KCNU1: variants seen among roughly 807,000 people sequenced by gnomAD.
KCNU1 encodes potassium channel subfamily U member 1.
In KCNU1, 93 loss-of-function variants were observed where a neutral mutation model predicts 126.8. The ratio of observed to expected loss-of-function variants is 0.73; its 90% CI spans 0.62 to 0.87. KCNU1 has a LOEUF of 0.87. KCNU1 is among the 40% of genes least tolerant of loss of function. The pLI, the probability that KCNU1 is intolerant of heterozygous loss-of-function variation, is 0.00. For synonymous variants in KCNU1, 523 were observed against 494.2 expected (o/e 1.06, Z -0.77); for missense variants, 1,330 against 1,367.1 (o/e 0.97, Z 0.43).
At chr8:36,812,716 T>A (rs1184804210) in intron 7 of KCNU1, among the ~76,000 whole-genome samples, 1 of 152,156 alleles carries the variant, frequency 6.6e-6, no homozygotes, top group East Asian at 1.9e-4. Flanking sequence ...GATGGGTCAA[T>A]GTAACATGGT....
chr8:36,815,757 A>G, intron 9 of KCNU1, 70 bp downstream of exon 9: 1 of 887,540 alleles, frequency 1.1e-6, no homozygotes, highest in South Asian at 1.6e-5. Context: ...CGTTCTAGAC[A>G]TCTATTGTCT....
At chr8:36,922,811 C>T (rs1808406354) in intron 24 of KCNU1, among the ~76,000 whole-genome samples, 182 bp downstream of exon 24, 1 of 152,142 alleles carries the variant, frequency 6.6e-6, no homozygotes, top group Non-Finnish European at 1.5e-5. Flanking sequence ...TGGGAAGCAA[C>T]ATTTTCACAT....
chr8:36,848,686 C>T (rs559043706), intron 18 of KCNU1, among the ~76,000 whole-genome samples: 17 of 152,250 alleles, frequency 1.1e-4, no homozygotes, highest in South Asian at 2.1e-4. Context: ...CATTTCTCCC[C>T]GCGTACAGAC....
intron 18 of KCNU1, among the ~76,000 whole-genome samples, chr8:36,847,429 G>C (rs1805190638): frequency 6.6e-6 from 1 of 152,030 alleles, no homozygotes; most frequent in South Asian, 2.1e-4. Context: ...TAACGATGAA[G>C]GACACTAGAA....
chr8:36,839,300 G>A (rs1804866056), intron 14 of KCNU1, among the ~76,000 whole-genome samples: 1 of 152,096 alleles, frequency 6.6e-6, no homozygotes, highest in South Asian at 2.1e-4. Flanking sequence ...AAATCCTCCT[G>A]TTTTCCTTTC....
At chr8:36,802,501 A>G (rs1377893981) in intron 2 of KCNU1, among the ~76,000 whole-genome samples, 2 of 152,136 alleles carry the variant, frequency 1.3e-5, no homozygotes, top group Non-Finnish European at 2.9e-5. Context: ...GAACAAAGAA[A>G]CCTTAAGAGT....
chr8:36,826,209 T>G (rs938134508), intron 10 of KCNU1, among the ~76,000 whole-genome samples: 3 of 151,506 alleles, frequency 2.0e-5, no homozygotes, highest in Admixed American at 2.0e-4. Context: ...ATTATTTATT[T>G]TATTTTATTT....
chr8:36,794,436 C>T (rs1803019240), intron 2 of KCNU1, among the ~76,000 whole-genome samples: 1 of 152,104 alleles, frequency 6.6e-6, no homozygotes, highest in Admixed American at 6.6e-5. Context: ...AATTTATACA[C>T]ATACACATAT....
chr8:36,787,273 C>T (rs2130315992), intron 1 of KCNU1, 33 bp from the exon 2 acceptor site: 1 of 1,575,168 alleles, frequency 6.3e-7, no homozygotes, highest in Non-Finnish European at 8.6e-7. Context: ...TCAGATCCAG[C>T]TCACATTGTC....
intron 10 of KCNU1, among the ~76,000 whole-genome samples, chr8:36,819,962 G>T (rs1276382333): frequency 6.6e-6 from 1 of 152,128 alleles, no homozygotes; most frequent in Non-Finnish European, 1.5e-5. Context: ...CGTTTAGGAG[G>T]ATTGACAGTT....
intron 19 of KCNU1, among the ~76,000 whole-genome samples, chr8:36,895,513 A>G (rs371685230): frequency 2.0e-5 from 3 of 152,272 alleles, no homozygotes; most frequent in Admixed American, 6.5e-5. Flanking sequence ...CATCTCTATT[A>G]ACAAATTTAA....
At chr8:36,878,589 T>C (rs989239672) in intron 19 of KCNU1, among the ~76,000 whole-genome samples, 23 of 152,068 alleles carry the variant, frequency 1.5e-4, no homozygotes, top group African/African-American at 5.6e-4. Flanking sequence ...AATGGAGACA[T>C]TGGGAACAAA....
intron 24 of KCNU1, among the ~76,000 whole-genome samples, chr8:36,930,644 C>A (rs747751739): frequency 6.6e-6 from 1 of 152,122 alleles, no homozygotes; most frequent in African/African-American, 2.4e-5. Context: ...TATACCCCCT[C>A]TGGTCATTTT....
chr8:36,920,375 C>T (rs370956012), intron 23 of KCNU1, among the ~76,000 whole-genome samples: 15 of 152,200 alleles, frequency 9.9e-5, no homozygotes, highest in African/African-American at 2.2e-4. Flanking sequence ...ATACACCAAA[C>T]GAATTAATTC....
chr8:36,864,911 G>T (rs529558937), intron 19 of KCNU1, among the ~76,000 whole-genome samples: 1 of 152,130 alleles, frequency 6.6e-6, no homozygotes, highest in East Asian at 1.9e-4. Context: ...CAAAATATGG[G>T]CAACAAATCC....
At chr8:36,818,873 A>C (rs1175146624) in intron 10 of KCNU1, among the ~76,000 whole-genome samples, 1 of 152,242 alleles carries the variant, frequency 6.6e-6, no homozygotes, top group East Asian at 1.9e-4. Context: ...CCGTTTAAGT[A>C]GCATCAGTGT....
At chr8:36,850,385 A>G (rs893242374) in intron 18 of KCNU1, among the ~76,000 whole-genome samples, 1 of 151,914 alleles carries the variant, frequency 6.6e-6, no homozygotes, top group African/African-American at 2.4e-5. Context: ...TGATCAATCT[A>G]AGGTCACCAA....
In KCNU1 at chr8:36,836,353, A is replaced by G. The variant is rs1422080839; in HGVS notation, c.1353A>G (p.Gln451=). The G allele has an allele frequency of 1.3e-6, 2 of 1,594,410 alleles. No individual in the cohort carries two copies. Among genetic ancestry groups the G allele is most frequent in the Admixed American group, 1.7e-5 (1 of 59,976 alleles). Residue 451 remains glutamine, a synonymous_variant, in exon 13 of 27, where the codon CAA becomes CAG. Transcript: ENST00000399881. ...CCAGAATCATCATACAGATACTGCA[A>G]TCCCATAACAAGGTATAGTAACATT... ...STTRIIIQIL[Q]SHNKVYLPKI... is the part of the protein sequence containing the mutation.
chr8:36,925,298 G>T (rs527531503), intron 24 of KCNU1, among the ~76,000 whole-genome samples: 1 of 152,278 alleles, frequency 6.6e-6, no homozygotes, highest in South Asian at 2.1e-4. Context: ...TTTAGGACTG[G>T]CATTTGCTCA....
Sources: gnomAD v4.1 joint callset for allele counts (sites outside exome capture counted in the v4.1 genomes callset) on GRCh38, gnomAD v4.1.1 for gene constraint, MANE v1.5 for transcripts, NCBI Gene and HGNC (gene_info 2026-07-23, HGNC 2026-07-21) for gene names.